The following OSMR variants were observed in gnomAD, a reference collection of about 807,000 sequenced individuals.
OSMR encodes the protein oncostatin-M-specific receptor subunit beta.
OSMR carries 81 observed loss-of-function variants against 99.9 expected under a neutral mutation model. The ratio of observed to expected loss-of-function variants is 0.81; its 90% CI spans 0.68 to 0.97. The LOEUF (loss-of-function observed/expected upper bound fraction) is 0.97. Ranked by LOEUF, OSMR falls within the 50% of genes least tolerant of loss-of-function variation. OSMR has a pLI of 0.00. For synonymous variants in OSMR, 406 were observed against 410.4 expected (o/e 0.99, Z 0.13); for missense variants, 1,099 against 1,153.4 (o/e 0.95, Z 0.68).
chr5:38,847,383 C>T lies in OSMR; in HGVS notation c.-14+996C>T, dbSNP rs866821980. On this transcript the variant is annotated intron_variant, in intron 1 of 17. Coordinates refer to ENST00000274276, the MANE Select transcript of OSMR (RefSeq NM_003999.3). ...TTTTTATTATATTTTATTGAGGAAA[C>T]TGAGGCCCAAAGAGGTTTTGTAACT... is the stretch of plus-strand genomic sequence containing the variant. Among the ~76,000 whole-genome samples, 17 of 152,064 alleles carry T rather than the reference C, an allele frequency of 1.1e-4. 1 individual carries two copies. The highest frequency in any genetic ancestry group is 5.8e-4 in the East Asian group (3 of 5,176).
chr5:38,924,489 A>C lies in OSMR; in HGVS notation c.1938A>C (p.Lys646Asn), dbSNP rs1161714127. Residue 646 changes from lysine to asparagine, a missense_variant, in exon 14 of 18, where the codon AAA becomes AAC. Physicochemically the swap from Lys to Asn is moderately conservative, Grantham distance 94. Coordinates refer to ENST00000274276, the MANE Select transcript of OSMR (RefSeq NM_003999.3). ...LTSHSFTLSW[K>N]DYSTESQPGF... ...CCCACTCCTTCACTCTGAGTTGGAA[A>C]GATTACTCTACTGAATCTCAACCTG... is the stretch of plus-strand genomic sequence containing the variant. 1.9e-6 allele frequency: 3 copies of C among 1,614,076 alleles called. No homozygotes were observed. In the Admixed American group the frequency reaches 5.0e-5, roughly 27 times the overall value.
intron 5 of OSMR, 134 bp downstream of exon 5, chr5:38,884,245 A>T (rs1254045572): frequency 8.7e-6 from 7 of 800,842 alleles, no homozygotes; most frequent in Non-Finnish European, 1.5e-5. Flanking sequence ...TTTCTAGGAG[A>T]GGCTCTGAAG....
At chr5:38,881,195 T>A (rs6893097) in intron 3 of OSMR, among the ~76,000 whole-genome samples, 1 of 141,340 alleles carries the variant, frequency 7.1e-6, no homozygotes, top group Non-Finnish European at 1.5e-5. Context: ...ACAAACAATC[T>A]TTTTTTTTTT....
intron 16 of OSMR, among the ~76,000 whole-genome samples, 171 bp from the exon 17 acceptor site, chr5:38,932,292 C>G (rs1354899489): frequency 1.3e-5 from 2 of 152,042 alleles, no homozygotes; most frequent in African/African-American, 4.8e-5. Flanking sequence ...ACTATAAGTA[C>G]CATAATTATC....
At chr5:38,894,601 A>AAT (rs397772682) in intron 7 of OSMR, among the ~76,000 whole-genome samples, 1 of 151,508 alleles carries the variant, frequency 6.6e-6, no homozygotes, top group Non-Finnish European at 1.5e-5. Context: ...GACAAAAAAA[A>AAT]GGCACTACAT....
chr5:38,919,848 A>T (rs1255248616), intron 11 of OSMR, among the ~76,000 whole-genome samples: 3 of 152,156 alleles, frequency 2.0e-5, no homozygotes, highest in Non-Finnish European at 4.4e-5. Flanking sequence ...GTTGGATTAG[A>T]GGATGTTGTT....
intron 7 of OSMR, among the ~76,000 whole-genome samples, chr5:38,894,338 G>T (rs1744348443): frequency 6.6e-6 from 1 of 151,804 alleles, no homozygotes; most frequent in Admixed American, 6.6e-5. Context: ...AATCTGGAAT[G>T]TAAACAGTCT....
chr5:38,855,647 G>A (rs1487650589), intron 1 of OSMR, among the ~76,000 whole-genome samples: 1 of 151,934 alleles, frequency 6.6e-6, no homozygotes, highest in Non-Finnish European at 1.5e-5. Context: ...GCTGTCACCT[G>A]CTCTGAGACC....
At chr5:38,863,495 C>G (rs1741681081) in intron 1 of OSMR, among the ~76,000 whole-genome samples, 1 of 152,080 alleles carries the variant, frequency 6.6e-6, no homozygotes, top group Non-Finnish European at 1.5e-5. Context: ...TGAGATCGCG[C>G]CACTGCACTC....
intron 1 of OSMR, among the ~76,000 whole-genome samples, chr5:38,861,265 C>T (rs981399217): frequency 2.0e-5 from 3 of 150,834 alleles, no homozygotes; most frequent in Non-Finnish European, 2.9e-5. Flanking sequence ...GAGGACCCTG[C>T]GGGCCTTCCG....
chr5:38,923,065 C>T lies in OSMR; in HGVS notation c.1766-85C>T, dbSNP rs115752782. The T allele has an allele frequency of 6.6e-4, 1,021 of 1,553,022 alleles. 4 individuals carry two copies. In the African/African-American group the frequency reaches 0.012, roughly 19 times the overall value. ...TGCTGGGATTTCAGGCGTGAGCCAACGTGTCATGCCTTTTCATTCTTTTTC... is the reference window on the plus strand; with the variant it reads ...TGCTGGGATTTCAGGCGTGAGCCAATGTGTCATGCCTTTTCATTCTTTTTC... On this transcript the variant is annotated intron_variant, in intron 12 of 17. Coordinates refer to ENST00000274276, the MANE Select transcript of OSMR (RefSeq NM_003999.3).
chr5:38,902,706 C>T (rs1230901752), intron 7 of OSMR, among the ~76,000 whole-genome samples: 3 of 152,144 alleles, frequency 2.0e-5, no homozygotes, highest in Non-Finnish European at 4.4e-5. Context: ...GAGCTTACTG[C>T]TTATGTCTAT....
chr5:38,931,644 G>A (rs776053561), intron 15 of OSMR: 5 of 245,646 alleles, frequency 2.0e-5, no homozygotes, highest in Non-Finnish European at 3.2e-5. Flanking sequence ...TATCAGAAGA[G>A]ATAGATAGTA....
intron 4 of OSMR, among the ~76,000 whole-genome samples, chr5:38,881,987 A>T (rs1163595281): frequency 6.6e-6 from 1 of 152,226 alleles, no homozygotes; most frequent in Admixed American, 6.5e-5. Flanking sequence ...AGTTGTGCAG[A>T]TTCAGGCAAT....
At chr5:38,889,984 T>C (rs548685752) in intron 7 of OSMR, among the ~76,000 whole-genome samples, 1 of 152,372 alleles carries the variant, frequency 6.6e-6, no homozygotes, top group South Asian at 2.1e-4. Flanking sequence ...TAACTTAACA[T>C]TGCAGTGCTT....
chr5:38,889,438 T>C (rs898583620), intron 7 of OSMR, among the ~76,000 whole-genome samples: 7 of 152,198 alleles, frequency 4.6e-5, no homozygotes, highest in Non-Finnish European at 7.4e-5. Flanking sequence ...GTTTTTTTGC[T>C]CTGGTAACTA....
chr5:38,904,294 C>G (rs1745082615), intron 8 of OSMR, 59 bp from the exon 9 acceptor site: 1 of 1,565,590 alleles, frequency 6.4e-7, no homozygotes, highest in African/African-American at 1.4e-5. Flanking sequence ...ATGCACTCAC[C>G]AATGTTTCTG....
chr5:38,944,155 A>C, intron 1 of OSMR: 1 of 480,534 alleles, frequency 2.1e-6, no homozygotes, highest in South Asian at 1.7e-5. Context: ...GTATTTTCCA[A>C]AAGTAAAAAA....
intron 11 of OSMR, among the ~76,000 whole-genome samples, chr5:38,920,349 T>A (rs1391708998): frequency 1.3e-5 from 2 of 152,188 alleles, no homozygotes; most frequent in Non-Finnish European, 2.9e-5. Context: ...ACAAAAAGAT[T>A]CCCCTACTCT....
Sources: allele counts gnomAD v4.1 joint callset (sites outside exome capture counted in the v4.1 genomes callset), GRCh38; gene constraint gnomAD v4.1.1; transcripts MANE v1.5; gene names NCBI Gene and HGNC (gene_info 2026-07-23, HGNC 2026-07-21).